EHBP1: variants seen among roughly 807,000 people sequenced by gnomAD.
EHBP1 encodes the protein EH domain-binding protein 1.
EHBP1 carries 55 observed loss-of-function variants against 144.0 expected under a neutral mutation model. That is an observed-to-expected ratio of 0.38 (90% CI 0.31 to 0.48). The LOEUF is 0.48. EHBP1 is among the 20% of genes least tolerant of loss of function. The pLI is 0.98. For missense variants in EHBP1, 1,200 were observed against 1,364.2 expected, an observed-to-expected ratio of 0.88 and a Z score of 1.90; for synonymous variants, 469 against 472.7, an observed-to-expected ratio of 0.99 and a Z score of 0.10.
chr2:62,692,741 T>G (rs2033948595), intron 1 of EHBP1, among the ~76,000 whole-genome samples: 1 of 152,110 alleles, frequency 6.6e-6, no homozygotes, highest in African/African-American at 2.4e-5. Flanking sequence ...ATTATAATTT[T>G]TTTTTAATTT....
chr2:62,948,754 A>G lies in EHBP1; in HGVS notation c.1908A>G (p.Ile636Met). Reference sequence around the variant, plus strand: ...CTTCAGGATCTGATGACCCTGGAATATGTTCCAATACAGATTCAACCCAAG... The same window carrying G: ...CTTCAGGATCTGATGACCCTGGAATGTGTTCCAATACAGATTCAACCCAAG... ...GRTSGSDDPG[I>M]CSNTDSTQAQ... Residue 636 changes from isoleucine (I) to methionine (M), a missense_variant, in exon 13 of 23, where the codon ATA becomes ATG. Physicochemically the swap from Ile to Met is conservative, Grantham distance 10. Transcript: ENST00000431489. 1 of 1,614,150 alleles carries G rather than the reference A, an allele frequency of 6.2e-7. No individual in the cohort carries two copies.
chr2:63,029,834 T>G (rs551929672), intron 19 of EHBP1, among the ~76,000 whole-genome samples: 1 of 152,316 alleles, frequency 6.6e-6, no homozygotes, highest in South Asian at 2.1e-4. Flanking sequence ...ATTCAAGCGA[T>G]TCTTCTGCCT....
At chr2:62,989,609 G>A (rs1409011720) in intron 15 of EHBP1, among the ~76,000 whole-genome samples, 1 of 152,100 alleles carries the variant, frequency 6.6e-6, no homozygotes, top group East Asian at 1.9e-4. Flanking sequence ...CCTGTTTGGA[G>A]TTAACTAATA....
At chr2:63,013,623 G>A (rs1291123056) in intron 19 of EHBP1, among the ~76,000 whole-genome samples, 1 of 152,200 alleles carries the variant, frequency 6.6e-6, no homozygotes, top group Non-Finnish European at 1.5e-5. Context: ...AATTTTGTCA[G>A]AATGCTAATG....
chr2:62,826,465 T>C, intron 6 of EHBP1, 197 bp downstream of exon 6: 4 of 457,758 alleles, frequency 8.7e-6, no homozygotes, highest in Non-Finnish European at 1.5e-5. Context: ...TGTACAGTAA[T>C]ATAAACGTGA....
chr2:62,700,514 A>AG (rs1322241140), intron 1 of EHBP1, among the ~76,000 whole-genome samples: 1 of 152,102 alleles, frequency 6.6e-6, no homozygotes, highest in Non-Finnish European at 1.5e-5. Flanking sequence ...CATCTTCATT[A>AG]GCAGCCAGCT....
chr2:62,833,984 C>A (rs1325302177), intron 7 of EHBP1, among the ~76,000 whole-genome samples: 2 of 152,132 alleles, frequency 1.3e-5, no homozygotes, highest in African/African-American at 4.8e-5. Flanking sequence ...GGGTTTAAGA[C>A]TTCAGTGGAG....
rs899702372 is a variant in EHBP1 at position 62,707,836 on chromosome 2, C to A, written c.104+541C>A. Among the ~76,000 whole-genome samples the A allele has an allele frequency of 7.2e-5, 11 of 152,152 alleles. No individual in the cohort carries two copies. The South Asian group carries it at 2.3e-3, about 32-fold the overall frequency. On this transcript the variant is annotated intron_variant, in intron 2 of 22. Coordinates refer to ENST00000431489, the MANE Select transcript of EHBP1 (RefSeq NM_001142616.3). ...ACCTTAGAAATTCTTTTGTTAAATGCTTACTCAGGCAACTGTATTTTATTT... is the reference window on the plus strand; with the variant it reads ...ACCTTAGAAATTCTTTTGTTAAATGATTACTCAGGCAACTGTATTTTATTT...
rs2046325039 is a variant in EHBP1 at position 62,826,081 on chromosome 2, T to C, written c.313-6T>C. Reference sequence around the variant, plus strand: ...TTACATACTTTTTTTTTCTTTAATCTTCCAGGAATCCCCTTCTGGTCGAAG... The same window carrying C: ...TTACATACTTTTTTTTTCTTTAATCCTCCAGGAATCCCCTTCTGGTCGAAG... On this transcript the variant is annotated splice_region_variant and splice_polypyrimidine_tract_variant and intron_variant, in intron 5 of 22. Transcript: ENST00000431489. 6.9e-7 allele frequency: 1 copy of C among 1,445,178 alleles called. No homozygotes were observed. Among genetic ancestry groups the C allele is most frequent in the Non-Finnish European group, 9.1e-7 (1 of 1,094,350 alleles). 89.5% of individuals were successfully genotyped at this position (1,445,178 alleles called of 1,614,324 possible).
At chr2:62,784,414 T>A (rs1430372598) in intron 5 of EHBP1, among the ~76,000 whole-genome samples, 1 of 152,182 alleles carries the variant, frequency 6.6e-6, no homozygotes. Flanking sequence ...ACATTGGGGA[T>A]ATGAATAAGA....
Position 62,905,049 on chromosome 2 carries a change from C to A in EHBP1, c.1185+30517C>A, listed in dbSNP as rs142408343. 9.9e-5 allele frequency among the ~76,000 whole-genome samples: 15 copies of A among 152,202 alleles called. No homozygotes were observed. In the South Asian group the frequency reaches 1.5e-3, roughly 15 times the overall value. On this transcript the variant is annotated intron_variant, in intron 10 of 22. Transcript: ENST00000431489. Reference sequence around the variant, plus strand: ...AGAAAGATGATATTTTAAGTCATCACCAGATTTCTTTCTATGAAGGTGATG... The same window carrying A: ...AGAAAGATGATATTTTAAGTCATCAACAGATTTCTTTCTATGAAGGTGATG...
chr2:62,886,476 T>C (rs182802987), intron 10 of EHBP1, among the ~76,000 whole-genome samples: 1 of 152,304 alleles, frequency 6.6e-6, no homozygotes, highest in Admixed American at 6.5e-5. Context: ...GAATAAATGG[T>C]ATGCTCCTAT....
intron 2 of EHBP1, among the ~76,000 whole-genome samples, chr2:62,720,059 A>G (rs1262493205): frequency 6.6e-6 from 1 of 152,222 alleles, no homozygotes; most frequent in Non-Finnish European, 1.5e-5. Context: ...GGCAGTGTCC[A>G]ATCTAATTCT....
chr2:62,745,777 A>T (rs1223101674), intron 2 of EHBP1, among the ~76,000 whole-genome samples: 1 of 151,980 alleles, frequency 6.6e-6, no homozygotes, highest in Non-Finnish European at 1.5e-5. Flanking sequence ...AGGCTCTCCT[A>T]ATCTGGACAG....
chr2:62,807,892 C>T (rs2044639471), intron 5 of EHBP1, among the ~76,000 whole-genome samples: 1 of 151,972 alleles, frequency 6.6e-6, no homozygotes, highest in Admixed American at 6.6e-5. Flanking sequence ...ATTTGTTTCT[C>T]TATAGATAAG....
At chr2:62,743,800 A>G (rs2038924625) in intron 2 of EHBP1, among the ~76,000 whole-genome samples, 1 of 152,088 alleles carries the variant, frequency 6.6e-6, no homozygotes, top group African/African-American at 2.4e-5. Context: ...AGCTCAAGCT[A>G]ATTGCTTTAT....
chr2:62,953,280 G>A (rs1477384490), intron 13 of EHBP1, among the ~76,000 whole-genome samples: 1 of 142,082 alleles, frequency 7.0e-6, no homozygotes, highest in African/African-American at 2.6e-5. Context: ...ATTCATAAAA[G>A]CATTATTTAT....
rs769652206 is a variant in EHBP1 at position 62,948,968 on chromosome 2, T to C, written c.2122T>C (p.Leu708=). 6.2e-7 allele frequency: 1 copy of C among 1,614,014 alleles called. No individual in the cohort carries two copies. The highest frequency in any genetic ancestry group is 8.5e-7 in the Non-Finnish European group (1 of 1,179,958). The change falls in exon 13 of 23, where the codon TTA becomes CTA. Residue 708 remains leucine, a synonymous_variant. Coordinates refer to ENST00000431489, the MANE Select transcript of EHBP1 (RefSeq NM_001142616.3). ...AGAAAAATTAGAGAATTCCAGATCC[T>C]TAGAATGCAGATCAGATCCAGAATC... The part of the protein sequence containing the change: ...EKEKLENSRS[L]ECRSDPESPI...
At chr2:62,826,001 T>A in intron 5 of EHBP1, 86 bp from the exon 6 acceptor site, 21 of 978,950 alleles carry the variant, frequency 2.1e-5, no homozygotes, top group Non-Finnish European at 2.9e-5. Flanking sequence ...CAATTATTAT[T>A]TGATTTATTA....
Sources: allele counts gnomAD v4.1 joint callset (sites outside exome capture counted in the v4.1 genomes callset), GRCh38; gene constraint gnomAD v4.1.1; transcripts MANE v1.5; gene names NCBI Gene and HGNC (gene_info 2026-07-23, HGNC 2026-07-21).